Variants in R3HDM2 observed in about 807,000 individuals in gnomAD.
R3HDM2 encodes the protein R3H domain containing 2, also known as R3H domain-containing protein 2.
In R3HDM2, 38 loss-of-function variants were observed where a neutral mutation model predicts 124.5. The observed-to-expected ratio is 0.31, with a 90% CI of 0.24 to 0.40. The LOEUF (loss-of-function observed/expected upper bound fraction) is 0.40, where lower values mean the gene tolerates loss of function less well. Among genes scored for constraint, R3HDM2 ranks in the 10% least tolerant of loss-of-function variants. The pLI, the probability that R3HDM2 is intolerant of heterozygous loss-of-function variation, is 1.00. For synonymous variants in R3HDM2, 391 were observed against 448.0 expected (o/e 0.87, Z 1.61); for missense variants, 869 against 1,236.9 (o/e 0.70, Z 4.46).
chr12:57,408,865 G>A (rs182237371), intron 1 of R3HDM2, among the ~76,000 whole-genome samples: 7 of 148,522 alleles, frequency 4.7e-5, no homozygotes, highest in Non-Finnish European at 6.0e-5. Context: ...AGTTTGGCTT[G>A]AAAAAAAAAA....
chr12:57,304,043 C>G (rs2051951392), intron 3 of R3HDM2, among the ~76,000 whole-genome samples: 1 of 152,036 alleles, frequency 6.6e-6, no homozygotes, highest in Admixed American at 6.6e-5. Context: ...CTTTATAGGA[C>G]AATACACACA....
chr12:57,336,973 T>C (rs761605332), intron 2 of R3HDM2, among the ~76,000 whole-genome samples: 1 of 152,130 alleles, frequency 6.6e-6, no homozygotes, highest in Non-Finnish European at 1.5e-5. Flanking sequence ...TTTTGAAAAT[T>C]ATTTGTAAAA....
At position 57,371,356 on chromosome 12, in the gene R3HDM2, T is replaced by C. The variant is rs536488858; in HGVS notation, c.-36+24393A>G. Among the ~76,000 whole-genome samples, 11 of 151,560 alleles carry C rather than the reference T, an allele frequency of 7.3e-5. No homozygotes were observed. In the Middle Eastern group the frequency reaches 0.01, roughly 141 times the overall value. On this transcript the variant is annotated intron_variant, in intron 2 of 23. Transcript: ENST00000402412. ...ATGAAAGACAGGATGCAGAAAAAAA[T>C]AGAACGAAAACAAAAAAGAAACATC...
intron 2 of R3HDM2, among the ~76,000 whole-genome samples, chr12:57,317,546 G>A (rs112639655): frequency 0.046 from 6,933 of 150,676 alleles, 239 homozygotes; most frequent in Non-Finnish European, 0.076. Flanking sequence ...CCTATCTCTG[G>A]ACTTCCTGAT....
chr12:57,378,474 C>G (rs1268074065), intron 2 of R3HDM2, among the ~76,000 whole-genome samples: 4 of 152,042 alleles, frequency 2.6e-5, no homozygotes, highest in Non-Finnish European at 5.9e-5. Context: ...TAACCCCAGG[C>G]TCAAGTGATC....
chr12:57,343,156 G>A (rs998009108), intron 2 of R3HDM2, among the ~76,000 whole-genome samples: 13 of 151,600 alleles, frequency 8.6e-5, no homozygotes, highest in African/African-American at 2.4e-4. Flanking sequence ...GCTCTGGAAC[G>A]GCAAGCTTAG....
chr12:57,386,661 G>C (rs1427011701), intron 2 of R3HDM2, among the ~76,000 whole-genome samples: 1 of 152,244 alleles, frequency 6.6e-6, no homozygotes, highest in Non-Finnish European at 1.5e-5. Context: ...CAGGCCCACT[G>C]TGCAGGACTC....
intron 13 of R3HDM2, among the ~76,000 whole-genome samples, chr12:57,281,754 A>G (rs1247865247): frequency 2.0e-5 from 3 of 152,138 alleles, no homozygotes; most frequent in Non-Finnish European, 4.4e-5. Context: ...CCAGAGTGCT[A>G]GAATTACAGG....
Position 57,266,759 on chromosome 12 carries a change from A to C in R3HDM2, c.2103T>G (p.Ser701Arg). The change falls in exon 19 of 24, where the codon AGT becomes AGG. Residue 701 changes from serine (S) to arginine (R), a missense_variant. This residue lies in a region of R3HDM2 where 602 missense variants were observed against 789.2 expected (regional missense o/e 0.76). Transcript: ENST00000402412. Reference protein sequence around the residue: ...YQMPQSPSPCSPPQMPQQYSG... With the variant: ...YQMPQSPSPCRPPQMPQQYSG... ...AGTACTGCTGTGGCATCTGTGGTGG[A>C]CTGCAGGGAGAGGGAGACTGAGGCA... 1 of 1,605,954 alleles carries C rather than the reference A, an allele frequency of 6.2e-7. No individual in the cohort carries two copies. Among genetic ancestry groups the C allele is most frequent in the South Asian group, 1.1e-5 (1 of 90,906 alleles).
At chr12:57,295,285 A>T (rs904698082) in intron 10 of R3HDM2, 114 bp downstream of exon 10, 2 of 727,258 alleles carry the variant, frequency 2.8e-6, no homozygotes, top group African/African-American at 3.5e-5. Flanking sequence ...AGCTCAATAC[A>T]TTTCTCCGTA....
intron 2 of R3HDM2, among the ~76,000 whole-genome samples, chr12:57,395,412 G>A (rs1221178543): frequency 6.6e-6 from 1 of 151,974 alleles, no homozygotes; most frequent in Non-Finnish European, 1.5e-5. Flanking sequence ...GCTGAGGCGG[G>A]AGAATCGCTT....
chr12:57,363,634 A>G (rs778415818), intron 2 of R3HDM2, among the ~76,000 whole-genome samples: 10 of 152,220 alleles, frequency 6.6e-5, no homozygotes, highest in Non-Finnish European at 1.0e-4. Context: ...AATTACCCTC[A>G]TCTGATCATT....
At chr12:57,268,599 A>G in intron 17 of R3HDM2, 142 bp from the exon 18 acceptor site, 1 of 901,052 alleles carries the variant, frequency 1.1e-6, no homozygotes, top group East Asian at 2.6e-5. Flanking sequence ...ATCTGCCTAA[A>G]GAAAATGTTT....
At chr12:57,392,627 C>G (rs977035825) in intron 2 of R3HDM2, among the ~76,000 whole-genome samples, 2 of 152,004 alleles carry the variant, frequency 1.3e-5, no homozygotes, top group African/African-American at 4.8e-5. Context: ...GAGTTTCACT[C>G]TTGTTGCCCA....
chr12:57,278,091 T>C (rs1160906219), intron 14 of R3HDM2, among the ~76,000 whole-genome samples: 4 of 152,232 alleles, frequency 2.6e-5, no homozygotes, highest in African/African-American at 9.6e-5. Flanking sequence ...AAAACCTGGA[T>C]AAATTCTTTC....
At chr12:57,403,820 A>G (rs2068270264) in intron 1 of R3HDM2, among the ~76,000 whole-genome samples, 1 of 150,110 alleles carries the variant, frequency 6.7e-6, no homozygotes. Flanking sequence ...CTCTGTCTCA[A>G]AAAAAAAAAG....
intron 2 of R3HDM2, among the ~76,000 whole-genome samples, chr12:57,368,489 G>C (rs1251876581): frequency 1.3e-5 from 2 of 152,168 alleles, no homozygotes; most frequent in East Asian, 3.8e-4. Flanking sequence ...ATGATTTATG[G>C]TAGGGACTTT....
Position 57,430,880 on chromosome 12 carries a change from G to A in R3HDM2, c.-266C>T, listed in dbSNP as rs1275862392. 2.0e-5 allele frequency: 3 copies of A among 149,044 alleles called. No individual in the cohort carries two copies. The highest frequency in any genetic ancestry group is 1.3e-4 in the Admixed American group (2 of 15,038). 9.2% of individuals were successfully genotyped at this position (149,044 alleles called of 1,614,324 possible). A position where few individuals can be genotyped will look rare whatever the true frequency, so the allele number is the denominator to read the frequency against. On this transcript the variant is annotated 5_prime_UTR_variant, in exon 1 of 24. Transcript: ENST00000402412. The stretch of plus-strand genomic sequence containing the variant: ...CCCGGGGCCGAGGGCTGGGAAGCAG[G>A]GGGGACTGGGACGGGGGAGGGGAAA...
intron 2 of R3HDM2, among the ~76,000 whole-genome samples, chr12:57,358,543 C>T (rs2061546615): frequency 6.6e-6 from 1 of 151,438 alleles, no homozygotes; most frequent in South Asian, 2.1e-4. Context: ...ACTTCAGAGG[C>T]TTAGGCAGGA....
Sources: allele counts gnomAD v4.1 joint callset (sites outside exome capture counted in the v4.1 genomes callset), GRCh38; gene constraint gnomAD v4.1.1; regional missense constraint gnomAD v4.1.1; transcripts MANE v1.5; gene names NCBI Gene and HGNC (gene_info 2026-07-23, HGNC 2026-07-21).